The following RNF40 variants were observed in gnomAD, a reference collection of about 807,000 sequenced individuals.
RNF40 encodes the protein E3 ubiquitin-protein ligase BRE1B.
A neutral mutation model predicts 123.3 loss-of-function variants in RNF40; 39 were observed. That is an observed-to-expected ratio of 0.32 (90% CI 0.24 to 0.41). RNF40 has a LOEUF of 0.41. Among genes scored for constraint, RNF40 ranks in the 10% least tolerant of loss-of-function variants. The probability of loss-of-function intolerance (pLI) is 1.00; values close to 1 mark genes in which losing one functional copy is unlikely to be tolerated. For synonymous variants in RNF40, 538 were observed against 526.0 expected, an observed-to-expected ratio of 1.02 and a Z score of -0.31; for missense variants, 1,003 against 1,319.9, an observed-to-expected ratio of 0.76 and a Z score of 3.72.
upstream of RNF40, chr16:30,762,016 A>G (rs2053839654): frequency 3.9e-6 from 2 of 513,998 alleles, no homozygotes; most frequent in South Asian, 2.8e-5. Context: ...ATACGTGAGA[A>G]GTTGCGAGTG....
At chr16:30,762,306 C>T (rs942578900), upstream of RNF40, 1 of 499,752 alleles carries the variant, frequency 2.0e-6, no homozygotes, top group South Asian at 3.0e-5. Context: ...TCCAGTGACG[C>T]CCAGTGACGT....
At chr16:30,772,655 C>T (rs1203799429) in intron 19 of RNF40, among the ~76,000 whole-genome samples, 1 of 152,154 alleles carries the variant, frequency 6.6e-6, no homozygotes, top group African/African-American at 2.4e-5. Context: ...CAGATGTGGA[C>T]GCTTGAGCGG....
In RNF40 at chr16:30,775,342, T is replaced by A. The variant is rs1417409141; in HGVS notation, c.*1228T>A. 3 of 289,566 alleles carry A rather than the reference T, an allele frequency of 1.0e-5. No homozygotes were observed. Among genetic ancestry groups the A allele is most frequent in the South Asian group, 9.2e-5 (3 of 32,664 alleles). The allele number at this position is 289,566 out of a possible 1,614,324, so 17.9% of individuals were successfully genotyped here. On this transcript the variant is annotated 3_prime_UTR_variant, in exon 20 of 20. Transcript: ENST00000324685. ...ACTGGGCCTGAAGGGGAGAGCGTGG[T>A]GGTCGTCGCGGAGCCGCCTGTCCTG...
In RNF40 at chr16:30,769,223, G is replaced by A; in HGVS notation, c.2285G>A (p.Gly762Asp). Residue 762 changes from glycine to aspartate, a missense_variant, in exon 16 of 20, where the codon GGT becomes GAT. Around this residue, in one of 11 missense-constraint regions of RNF40, gnomAD observed 25 missense variants for 72.6 expected, o/e 0.34. Coordinates refer to ENST00000324685, the MANE Select transcript of RNF40 (RefSeq NM_014771.4). ...CTGCTCTCAGAGATGGATGTGACAGGTCAGGCTTTTGAGGACATGCAGGAA... is the reference window on the plus strand; with the variant it reads ...CTGCTCTCAGAGATGGATGTGACAGATCAGGCTTTTGAGGACATGCAGGAA... ...EALLSEMDVT[G>D]QAFEDMQEQN... The A allele has an allele frequency of 6.2e-7, 1 of 1,614,262 alleles. No individual in the cohort carries two copies. The highest frequency in any genetic ancestry group is 8.5e-7 in the Non-Finnish European group (1 of 1,180,046).
intron 18 of RNF40, 42 bp from the exon 19 acceptor site, chr16:30,772,047 G>A (rs971060963): frequency 1.9e-6 from 3 of 1,582,824 alleles, no homozygotes; most frequent in African/African-American, 1.3e-5. Context: ...AGCGGCTCAA[G>A]GTTGAGGACC....
rs1396500754 is a variant in RNF40 at position 30,768,594 on chromosome 16, A to G, written c.1980-25A>G. The G allele has an allele frequency of 5.0e-6, 8 of 1,614,032 alleles. No homozygotes were observed. In the East Asian group the frequency reaches 1.8e-4, roughly 36 times the overall value. On this transcript the variant is annotated intron_variant, in intron 13 of 19. Coordinates refer to ENST00000324685, the MANE Select transcript of RNF40 (RefSeq NM_014771.4). The surrounding 1 kb of genome is among the most constrained non-coding windows in gnomAD (Gnocchi z 4.1). ...GTGGCCTCCAGTCCCACTCACTAAG[A>G]CTTCCTCCTGTACCTTCTTGCCAGG...
At chr16:30,762,814 G>T in intron 2 of RNF40, 137 bp downstream of exon 2, 1 of 1,181,216 alleles carries the variant, frequency 8.5e-7, no homozygotes. Context: ...AGAAAGGTTA[G>T]AAAGAAGCTC....
chr16:30,772,854 T>C (rs990017483), intron 19 of RNF40, among the ~76,000 whole-genome samples: 1 of 152,104 alleles, frequency 6.6e-6, no homozygotes, highest in Non-Finnish European at 1.5e-5. Flanking sequence ...AGGGAAATTG[T>C]TAAGGTATTG....
chr16:30,766,650 A>G lies in RNF40; in HGVS notation c.1294-91A>G. On this transcript the variant is annotated intron_variant, in intron 10 of 19. Transcript: ENST00000324685. The surrounding 1 kb of genome is among the most constrained non-coding windows in gnomAD (Gnocchi z 5.4). The stretch of plus-strand genomic sequence containing the variant: ...CCTTCCGAGGCCCTGTGTGCCAGCC[A>G]GGGGTCCCTGGGGAATAGATTCTTC... 1 of 1,588,958 alleles carries G rather than the reference A, an allele frequency of 6.3e-7. No individual in the cohort carries two copies. Among genetic ancestry groups the G allele is most frequent in the East Asian group, 2.2e-5 (1 of 44,494 alleles).
At chr16:30,762,282 G>GC (rs376493317), upstream of RNF40, 28 of 463,634 alleles carry the variant, frequency 6.0e-5, 1 homozygote, top group African/African-American at 2.0e-4. Context: ...ACCGTTGGGG[G>GC]GGGGGCAGTG....
At chr16:30,770,119 A>AGGGATTTTTTTTTTTTTTTTTT (rs1555472664) in intron 17 of RNF40, among the ~76,000 whole-genome samples, 2 of 98,918 alleles carry the variant, frequency 2.0e-5, no homozygotes, top group Non-Finnish European at 3.9e-5. Context: ...AAAACAAAAG[A>AGGGATTTTTTTTTTTTTTTTTT]TTTTTGAGTT....
At chr16:30,764,453 G>T in intron 5 of RNF40, 68 bp downstream of exon 5, 1 of 1,386,276 alleles carries the variant, frequency 7.2e-7, no homozygotes, top group Non-Finnish European at 1.0e-6. Context: ...ACCCCTTCCT[G>T]ATTCCCCTAA....
At position 30,762,377 on chromosome 16, in the gene RNF40, C is replaced by A; in HGVS notation, c.-72+17C>A. ...CTCCTGCTGGTGAGGGCTCTGGCGC[C>A]GGGGGGGACGGGATCCAGCAGGTGT... On this transcript the variant is annotated intron_variant, in intron 1 of 19. Transcript: ENST00000324685. 1.5e-6 allele frequency: 1 copy of A among 676,238 alleles called. No individual in the cohort carries two copies. Among genetic ancestry groups the A allele is most frequent in the Non-Finnish European group, 2.3e-6 (1 of 438,982 alleles). The allele number at this position is 676,238 out of a possible 1,614,324, so 41.9% of individuals were successfully genotyped here.
Position 30,762,500 on chromosome 16 carries a change from T to C in RNF40, c.-46T>C. On this transcript the variant is annotated 5_prime_UTR_variant, in exon 2 of 20. Transcript: ENST00000324685. The stretch of plus-strand genomic sequence containing the variant: ...GTGACGGAAGTACCGCCTCCTCCCG[T>C]TTGACGCCCCTCAGGGGACCCTGCA... 6.5e-7 allele frequency: 1 copy of C among 1,540,984 alleles called. No individual in the cohort carries two copies. The highest frequency in any genetic ancestry group is 8.6e-7 in the Non-Finnish European group (1 of 1,156,546).
Position 30,768,094 on chromosome 16 carries a change from C to T in RNF40, c.1552-9C>T, listed in dbSNP as rs753073108. Reference sequence around the variant, plus strand: ...CTGACTTCATCCCTCTTCCTCTCTGCCTTTGCAGCTCCGGGCCCAGGCCAG... The same window carrying T: ...CTGACTTCATCCCTCTTCCTCTCTGTCTTTGCAGCTCCGGGCCCAGGCCAG... On this transcript the variant is annotated splice_polypyrimidine_tract_variant and intron_variant, in intron 12 of 19. Transcript: ENST00000324685. This position sits in a 1 kb window ranked among gnomAD's most constrained non-coding sequence, Gnocchi z 4.1. The T allele has an allele frequency of 5.6e-6, 9 of 1,611,882 alleles. No homozygotes were observed. In the Admixed American group the frequency reaches 1.5e-4, roughly 27 times the overall value.
chr16:30,763,094 C>T lies in RNF40; in HGVS notation c.133-24C>T, dbSNP rs926397189. On this transcript the variant is annotated intron_variant, in intron 2 of 19. Transcript: ENST00000324685. ...TGTGGGCCCTGCTTGACGCTCTCGT[C>T]GGCCCCTTTGTTTCCTTTGGTAGGA... 12 of 1,612,592 alleles carry T rather than the reference C, an allele frequency of 7.4e-6. No individual in the cohort carries two copies. The South Asian group carries it at 9.9e-5, about 13-fold the overall frequency.
Position 30,767,991 on chromosome 16 carries a change from A to G in RNF40, c.1527A>G (p.Arg509=), listed in dbSNP as rs1312007731. Residue 509 remains arginine (R), a synonymous_variant, in exon 12 of 20, where the codon CGA becomes CGG. Coordinates refer to ENST00000324685, the MANE Select transcript of RNF40 (RefSeq NM_014771.4). ...CCCAGCGATACAAGCGGAAGCTTCG[A>G]GAAGTACAAGCTGAGATTGGCAAGG... is the stretch of plus-strand genomic sequence containing the variant. ...GDAQRYKRKL[R]EVQAEIGKLR... 3.1e-6 allele frequency: 5 copies of G among 1,614,222 alleles called. No individual in the cohort carries two copies. In the Admixed American group the frequency reaches 6.7e-5, roughly 22 times the overall value.
upstream of RNF40, chr16:30,761,839 G>T: frequency 7.9e-7 from 1 of 1,261,082 alleles, no homozygotes; most frequent in Non-Finnish European, 1.1e-6. Flanking sequence ...ACCAAGGCCG[G>T]GCCCGTTCGC....
Position 30,768,861 on chromosome 16 carries a change from C to T in RNF40, c.2121C>T (p.Ile707=), listed in dbSNP as rs2054093175. The change falls in exon 15 of 20, where the codon ATC becomes ATT. Residue 707 remains isoleucine, a synonymous_variant. Coordinates refer to ENST00000324685, the MANE Select transcript of RNF40 (RefSeq NM_014771.4). The surrounding 1 kb of genome is among the most constrained non-coding windows in gnomAD (Gnocchi z 4.1). ...KAEVDELRSR[I]RELEERDRRE... is the part of the protein sequence containing the mutation. The stretch of plus-strand genomic sequence containing the variant: ...AGGTTGATGAGCTGCGGAGCCGCAT[C>T]CGGGAATTGGAGGAGAGGGATCGAA... 4 of 1,614,222 alleles carry T rather than the reference C, an allele frequency of 2.5e-6. No homozygotes were observed. Among genetic ancestry groups the T allele is most frequent in the Non-Finnish European group, 3.4e-6 (4 of 1,180,032 alleles).
Sources: gnomAD v4.1 joint callset for allele counts (sites outside exome capture counted in the v4.1 genomes callset) on GRCh38, gnomAD v4.1.1 for gene constraint, gnomAD v4.1.1 regional missense constraint, Gnocchi (gnomAD v3.1) non-coding constraint, MANE v1.5 for transcripts, NCBI Gene and HGNC (gene_info 2026-07-23, HGNC 2026-07-21) for gene names.